Variants in COPS3 observed in about 807,000 individuals in gnomAD.
COPS3 encodes COP9 signalosome subunit 3, also known as COP9 signalosome complex subunit 3.
A neutral mutation model predicts 58.2 loss-of-function variants in COPS3; 10 were observed. The observed-to-expected ratio is 0.17, with a 90% CI of 0.11 to 0.29. The LOEUF (loss-of-function observed/expected upper bound fraction) is 0.29. Ranked by LOEUF, COPS3 falls within the 10% of genes least tolerant of loss-of-function variation. The pLI is 1.00. For missense variants in COPS3, 333 were observed against 510.1 expected, an observed-to-expected ratio of 0.65 and a Z score of 3.34; for synonymous variants, 187 against 181.7, an observed-to-expected ratio of 1.03 and a Z score of -0.24.
chr17:17,255,839 A>AAAATAAATAAATAAAT (rs144619560), intron 8 of COPS3, among the ~76,000 whole-genome samples: 3,051 of 127,392 alleles, frequency 0.024, 100 homozygotes, highest in African/African-American at 0.065. Context: ...ACTCCATCTC[A>AAAATAAATAAATAAAT]AAATAAATAA....
At chr17:17,250,372 G>A (rs778623349) in intron 9 of COPS3, among the ~76,000 whole-genome samples, 6 of 150,454 alleles carry the variant, frequency 4.0e-5, no homozygotes, top group Admixed American at 6.7e-5. Flanking sequence ...CTCCTGCCTC[G>A]GCCTCCTAAG....
chr17:17,270,570 C>A (rs1201668544), intron 4 of COPS3, among the ~76,000 whole-genome samples, 188 bp downstream of exon 4: 1 of 152,032 alleles, frequency 6.6e-6, no homozygotes. Context: ...CCACCCCGTG[C>A]CTCCACCTCA....
At chr17:17,276,864 CTT>C (rs2048471462) in intron 1 of COPS3, among the ~76,000 whole-genome samples, 1 of 152,162 alleles carries the variant, frequency 6.6e-6, no homozygotes, top group Non-Finnish European at 1.5e-5. Flanking sequence ...CTACTGTGAT[CTT>C]TCTCTCCTCC....
At chr17:17,247,429 C>G in intron 11 of COPS3, 51 bp downstream of exon 11, 1 of 1,525,892 alleles carries the variant, frequency 6.6e-7, no homozygotes, top group Non-Finnish European at 9.1e-7. Flanking sequence ...TGTGACAACA[C>G]CCCTCCTTCT....
rs2047744486 is a variant in COPS3, at chr17:17,247,265, C to T, written c.1219-114G>A. On this transcript the variant is annotated intron_variant, in intron 11 of 11. Coordinates refer to ENST00000268717, the MANE Select transcript of COPS3 (RefSeq NM_003653.4). The stretch of plus-strand genomic sequence containing the variant: ...CTCCCAGAACAAAGCCCCCTGTGAA[C>T]AAGGGCAGGCAATTCCAGGAACCAC... 5 of 1,079,282 alleles carry T rather than the reference C, an allele frequency of 4.6e-6. No individual in the cohort carries two copies. The South Asian group carries it at 6.4e-5, about 14-fold the overall frequency. The allele number at this position is 1,079,282 out of a possible 1,614,324, so 66.9% of individuals were successfully genotyped here.
At chr17:17,249,782 G>A (rs1037850238) in intron 9 of COPS3, among the ~76,000 whole-genome samples, 3 of 151,934 alleles carry the variant, frequency 2.0e-5, no homozygotes, top group African/African-American at 4.8e-5. Flanking sequence ...GTAAGCCACC[G>A]CGCCCAGCCA....
intron 2 of COPS3, among the ~76,000 whole-genome samples, chr17:17,275,492 A>G (rs995394342): frequency 6.6e-6 from 1 of 152,228 alleles, no homozygotes; most frequent in Non-Finnish European, 1.5e-5. Context: ...CCGGATACAT[A>G]AAAGAGTTTT....
intron 4 of COPS3, among the ~76,000 whole-genome samples, chr17:17,268,903 T>A (rs183072525): frequency 1.8e-4 from 28 of 152,270 alleles, no homozygotes; most frequent in African/African-American, 6.7e-4. Flanking sequence ...AACTTACAGC[T>A]TTTTCAAAAA....
intron 2 of COPS3, among the ~76,000 whole-genome samples, chr17:17,275,683 C>T (rs2048446643): frequency 1.3e-5 from 2 of 152,138 alleles, no homozygotes; most frequent in African/African-American, 2.4e-5. Context: ...GTGGCTCACG[C>T]CTGTAATCCC....
At chr17:17,280,815 A>G (rs969429049) in intron 1 of COPS3, 104 of 1,252,752 alleles carry the variant, frequency 8.3e-5, no homozygotes, top group Non-Finnish European at 9.3e-5. Context: ...TAGTCGCCCG[A>G]GATGGCTCCT....
At position 17,260,362 on chromosome 17, in the gene COPS3, A is replaced by G; in HGVS notation, c.875T>C (p.Met292Thr). Residue 292 changes from methionine (M) to threonine (T), a missense_variant, in exon 8 of 12, where the codon ATG becomes ACG. Met to Thr is a moderately conservative substitution (Grantham distance 81, BLOSUM62 -1). Coordinates refer to ENST00000268717, the MANE Select transcript of COPS3 (RefSeq NM_003653.4). ...HSETFTRDNN[M>T]GLVKQCLSSL... ...TGACAAGCATTGCTTCACCAGCCCC[A>G]TGTTGTTATCGCGAGTGAAGGTTTC... 6.2e-7 allele frequency: 1 copy of G among 1,614,158 alleles called. No homozygotes were observed. Among genetic ancestry groups the G allele is most frequent in the Non-Finnish European group, 8.5e-7 (1 of 1,180,028 alleles).
chr17:17,262,025 G>C lies in COPS3; in HGVS notation c.703C>G (p.Leu235Val). 6.2e-7 allele frequency: 1 copy of C among 1,607,458 alleles called. No individual in the cohort carries two copies. Among genetic ancestry groups the C allele is most frequent in the Admixed American group, 1.7e-5 (1 of 58,690 alleles). Residue 235 changes from leucine to valine, a missense_variant, in exon 7 of 12, where the codon CTT becomes GTT. Coordinates refer to ENST00000268717, the MANE Select transcript of COPS3 (RefSeq NM_003653.4). ...TTTGGTAGCTGTTGTACTTTGCCAA[G>C]TAATATCAAAGACACTAAAATATAC... is the stretch of plus-strand genomic sequence containing the variant. Reference protein sequence around the residue: ...KKYILVSLILLGKVQQLPKYT... With the variant: ...KKYILVSLILVGKVQQLPKYT...
At chr17:17,265,085 G>T in intron 5 of COPS3, 104 bp from the exon 6 acceptor site, 1 of 1,009,594 alleles carries the variant, frequency 9.9e-7, no homozygotes, top group Non-Finnish European at 1.5e-6. Flanking sequence ...TAATGTAATT[G>T]TGTTTTACAT....
intron 7 of COPS3, chr17:17,261,629 G>A (rs918483802): frequency 2.3e-5 from 10 of 427,044 alleles, no homozygotes; most frequent in Admixed American, 5.6e-5. Flanking sequence ...GGAGGCAGAC[G>A]CAGAAGGACT....
intron 1 of COPS3, among the ~76,000 whole-genome samples, chr17:17,277,150 T>C (rs1792794213): frequency 6.6e-6 from 1 of 152,182 alleles, no homozygotes; most frequent in Non-Finnish European, 1.5e-5. Context: ...CTCTGCTACC[T>C]GACTGAGCCT....
rs1231145540 is a variant in COPS3, at chr17:17,264,880, A to G, written c.543T>C (p.Phe181=). Residue 181 remains phenylalanine, a synonymous_variant, in exon 6 of 12, where the codon TTT becomes TTC. Coordinates refer to ENST00000268717, the MANE Select transcript of COPS3 (RefSeq NM_003653.4). The part of the protein sequence containing the change: ...KENGAYDAKH[F]LCYYYYGGMI... ...TCCCTCCATAATAATAGTAACATAA[A>G]AAGTGTTTTGCATCATAGGCTCCAT... The G allele has an allele frequency of 1.9e-6, 3 of 1,613,658 alleles. No individual in the cohort carries two copies. Among genetic ancestry groups the G allele is most frequent in the African/African-American group, 1.3e-5 (1 of 74,934 alleles).
In COPS3 at chr17:17,247,507, G is replaced by T; in HGVS notation, c.1191C>A (p.Ile397=). The T allele has an allele frequency of 6.2e-7, 1 of 1,614,254 alleles. No individual in the cohort carries two copies. Among genetic ancestry groups the T allele is most frequent in the South Asian group, 1.1e-5 (1 of 91,084 alleles). The change falls in exon 11 of 12, where the codon ATC becomes ATA. Residue 397 remains isoleucine, a synonymous_variant. Transcript: ENST00000268717. The part of the protein sequence containing the change: ...DERLKAMDQE[I]TVNPQFVQKS... ...TTTGTACAAACTGAGGGTTCACTGT[G>T]ATCTCCTGGTCCATGGCTTTCAGCC...
At chr17:17,255,878 A>ATAAATAAATAAATAAATAAC (rs929027222) in intron 8 of COPS3, among the ~76,000 whole-genome samples, 2 of 140,230 alleles carry the variant, frequency 1.4e-5, no homozygotes, top group African/African-American at 5.4e-5. Context: ...AAATAAATAA[A>ATAAATAAATAAATAAATAAC]TAACTGATAG....
At position 17,249,064 on chromosome 17, in the gene COPS3, C is replaced by T. The variant is rs756602053; in HGVS notation, c.1024-25G>A. On this transcript the variant is annotated intron_variant, in intron 9 of 11. Transcript: ENST00000268717. Reference sequence around the variant, plus strand: ...TCTGCAGAAAGAAAAAAAAAAAAATCAGGAAAGCAGTTTAGACCTGAATGC... The same window carrying T: ...TCTGCAGAAAGAAAAAAAAAAAAATTAGGAAAGCAGTTTAGACCTGAATGC... 9.6e-5 allele frequency: 126 copies of T among 1,312,856 alleles called. 1 individual carries two copies. The South Asian group carries it at 1.6e-3, about 16-fold the overall frequency. 81.3% of individuals were successfully genotyped at this position (1,312,856 alleles called of 1,614,324 possible).
Sources: allele counts gnomAD v4.1 joint callset (sites outside exome capture counted in the v4.1 genomes callset), GRCh38; gene constraint gnomAD v4.1.1; transcripts MANE v1.5; gene names NCBI Gene and HGNC (gene_info 2026-07-23, HGNC 2026-07-21).